Variants in IGDCC3 observed in about 807,000 individuals in gnomAD.
The protein encoded by IGDCC3 is immunoglobulin superfamily DCC subclass member 3.
A neutral mutation model predicts 72.0 loss-of-function variants in IGDCC3; 47 were observed. The observed-to-expected ratio is 0.65, with a 90% CI of 0.52 to 0.83. The LOEUF (loss-of-function observed/expected upper bound fraction) is 0.83, where lower values mean the gene tolerates loss of function less well. Ranked by LOEUF, IGDCC3 falls within the 40% of genes least tolerant of loss-of-function variation. The pLI is 0.00. For missense variants in IGDCC3, 1,038 were observed against 1,091.3 expected (o/e 0.95, Z 0.69); for synonymous variants, 477 against 472.8 (o/e 1.01, Z -0.11).
chr15:65,367,584 G>GC (rs2091295610), intron 2 of IGDCC3, among the ~76,000 whole-genome samples: 1 of 151,908 alleles, frequency 6.6e-6, no homozygotes, highest in Non-Finnish European at 1.5e-5. Flanking sequence ...TCCTGGAGGG[G>GC]CTACGGCCAC....
intron 2 of IGDCC3, chr15:65,356,452 C>G (rs888340692): frequency 6.6e-6 from 1 of 152,012 alleles, no homozygotes; most frequent in African/African-American, 2.4e-5. Context: ...CTGTTTTGAC[C>G]GAGATGCTCC....
chr15:65,330,950 C>T (rs1291280949), intron 9 of IGDCC3, 100 bp downstream of exon 9: 4 of 1,401,502 alleles, frequency 2.9e-6, no homozygotes, highest in African/African-American at 2.9e-5. Flanking sequence ...CAGGGCCGGG[C>T]ACCCTGCACA....
chr15:65,352,501 C>T (rs936218754), intron 2 of IGDCC3, among the ~76,000 whole-genome samples: 6 of 152,130 alleles, frequency 3.9e-5, no homozygotes, highest in Admixed American at 1.3e-4. Flanking sequence ...CTTGCCTACA[C>T]GGTCCCTGTA....
At chr15:65,334,114 G>C (rs1403467859) in intron 5 of IGDCC3, among the ~76,000 whole-genome samples, 1 of 151,772 alleles carries the variant, frequency 6.6e-6, no homozygotes, top group African/African-American at 2.4e-5. Flanking sequence ...CCATCACTCA[G>C]CTGCTACAAT....
At position 65,329,850 on chromosome 15, in the gene IGDCC3, A is replaced by T. The variant is rs923441051; in HGVS notation, c.1873T>A (p.Cys625Ser). 1.2e-6 allele frequency: 2 copies of T among 1,614,000 alleles called. No individual in the cohort carries two copies. The highest frequency in any genetic ancestry group is 2.7e-5 in the African/African-American group (2 of 75,004). Residue 625 changes from cysteine (C) to serine (S), a missense_variant, in exon 12 of 14, where the codon TGT (cysteine) becomes AGT (serine). Transcript: ENST00000327987. This position sits in a 1 kb window ranked among gnomAD's most constrained non-coding sequence, Gnocchi z 4.1. ...GCGGCCTCCTCCTTCCGGCAGTCAC[A>T]TGGTGGGCTCAAGGCTGGGGACAGG... is the stretch of plus-strand genomic sequence containing the variant. ...ASERTALSPP[C>S]DCRKEEAANQ...
chr15:65,352,355 T>C, intron 2 of IGDCC3, among the ~76,000 whole-genome samples: 1 of 152,250 alleles, frequency 6.6e-6, no homozygotes, highest in East Asian at 1.9e-4. Context: ...AAGAGTCTGT[T>C]TTCTTTTGTA....
chr15:65,360,827 G>A (rs1416774053), intron 2 of IGDCC3, among the ~76,000 whole-genome samples: 1 of 152,136 alleles, frequency 6.6e-6, no homozygotes, highest in Non-Finnish European at 1.5e-5. Context: ...CCAGGCTGGA[G>A]TACAGTGGTG....
At position 65,332,079 on chromosome 15, in the gene IGDCC3, TG is replaced by T; in HGVS notation, c.1009del (p.Gln337SerfsTer28). The T allele has an allele frequency of 6.2e-7, 1 of 1,613,854 alleles. No individual in the cohort carries two copies. The highest frequency in any genetic ancestry group is 1.1e-5 in the South Asian group (1 of 91,038). On this transcript the variant is annotated frameshift_variant, in exon 7 of 14. Transcript: ENST00000327987. LOFTEE classifies it high-confidence loss of function. ...QAPAEFVQHP[Q>X]SISRPAGTTA... ...GGTCCCAGCTGGCCTGGAGATGGAC[TG>T]GGGATGCTGCACAAACTCAGCTGGG... is the stretch of plus-strand genomic sequence containing the variant.
intron 2 of IGDCC3, among the ~76,000 whole-genome samples, chr15:65,348,060 T>G (rs1360575808): frequency 1.3e-5 from 2 of 152,150 alleles, no homozygotes; most frequent in Admixed American, 6.5e-5. Flanking sequence ...CTGGTCATCC[T>G]CACTGCTACA....
chr15:65,365,160 T>A (rs1162075153), intron 2 of IGDCC3, among the ~76,000 whole-genome samples: 3 of 152,112 alleles, frequency 2.0e-5, no homozygotes, highest in Non-Finnish European at 4.4e-5. Context: ...GAAGCTCTAA[T>A]CCTACCAGGA....
chr15:65,363,836 T>C (rs1290563562), intron 2 of IGDCC3, among the ~76,000 whole-genome samples: 1 of 152,164 alleles, frequency 6.6e-6, no homozygotes, highest in Non-Finnish European at 1.5e-5. Context: ...GGAATTTGTC[T>C]TTCCTCCTCA....
At chr15:65,364,055 A>T (rs1399397793) in intron 2 of IGDCC3, among the ~76,000 whole-genome samples, 1 of 152,004 alleles carries the variant, frequency 6.6e-6, no homozygotes, top group Non-Finnish European at 1.5e-5. Flanking sequence ...AGTGGCTCCC[A>T]CCTTGGCCAG....
intron 2 of IGDCC3, chr15:65,374,027 T>C (rs2091343141): frequency 6.6e-6 from 1 of 152,120 alleles, no homozygotes. Context: ...TCCCAGCTAC[T>C]GGGGAAGCTG....
In IGDCC3 at chr15:65,327,946, A is replaced by G. The variant is rs1296227467; in HGVS notation, c.*963T>C. 1 of 152,686 alleles carries G rather than the reference A, an allele frequency of 6.5e-6. No individual in the cohort carries two copies. The highest frequency in any genetic ancestry group is 2.4e-5 in the African/African-American group (1 of 41,466). 9.5% of individuals were successfully genotyped at this position (152,686 alleles called of 1,614,324 possible). The stretch of plus-strand genomic sequence containing the variant: ...CCCATCAAGGATGGGCTGGCTCAAA[A>G]TGGGAGTGGACAGACAAGACGGGGA... On this transcript the variant is annotated 3_prime_UTR_variant, in exon 14 of 14. Transcript: ENST00000327987.
At chr15:65,356,696 T>TGGGGGGGGGGGGGGGG (rs1454692703) in intron 2 of IGDCC3, among the ~76,000 whole-genome samples, 1 of 28,056 alleles carries the variant, frequency 3.6e-5, no homozygotes, top group African/African-American at 1.4e-4. Context: ...AGGCGAGGGT[T>TGGGGGGGGGGGGGGGG]GGGGGGGTGG....
intron 2 of IGDCC3, among the ~76,000 whole-genome samples, chr15:65,342,106 G>A (rs2091086380): frequency 6.6e-6 from 1 of 151,268 alleles, no homozygotes; most frequent in South Asian, 2.1e-4. Flanking sequence ...TAGAATTACA[G>A]CCAGGCGCGG....
In IGDCC3 at chr15:65,377,685, C is replaced by T; in HGVS notation, c.103+1G>A. On this transcript the variant is annotated splice_donor_variant, in intron 1 of 13. Transcript: ENST00000327987. LOFTEE classifies it high-confidence loss of function. The surrounding 1 kb of genome is among the most constrained non-coding windows in gnomAD (Gnocchi z 4.9). ...GCCCGGTCCGGGGCGCTTTCACTCA[C>T]CCTCGCTCGGCGCGGGCAGCAGCAG... 1 of 1,438,538 alleles carries T rather than the reference C, an allele frequency of 7.0e-7. No individual in the cohort carries two copies. Among genetic ancestry groups the T allele is most frequent in the Non-Finnish European group, 9.1e-7 (1 of 1,100,798 alleles). 89.1% of individuals were successfully genotyped at this position (1,438,538 alleles called of 1,614,324 possible). A position where few individuals can be genotyped will look rare whatever the true frequency, so the allele number is the denominator to read the frequency against.
intron 4 of IGDCC3, 85 bp from the exon 5 acceptor site, chr15:65,334,950 TG>T: frequency 6.9e-7 from 1 of 1,454,360 alleles, no homozygotes. Context: ...ACACAGCGGG[TG>T]GGAAACAAAC....
At chr15:65,365,034 T>C (rs1169760804) in intron 2 of IGDCC3, among the ~76,000 whole-genome samples, 1 of 152,124 alleles carries the variant, frequency 6.6e-6, no homozygotes, top group Non-Finnish European at 1.5e-5. Flanking sequence ...GAGACTCCCT[T>C]ACCTGCCCAG....
Sources: allele counts gnomAD v4.1 joint callset (sites outside exome capture counted in the v4.1 genomes callset), GRCh38; gene constraint gnomAD v4.1.1; non-coding constraint Gnocchi (gnomAD v3.1); transcripts MANE v1.5; gene names NCBI Gene and HGNC (gene_info 2026-07-23, HGNC 2026-07-21).